The following GREB1 variants were observed in gnomAD, a reference collection of about 807,000 sequenced individuals.
GREB1 encodes the protein growth regulating estrogen receptor binding 1.
In GREB1, 106 loss-of-function variants were observed where a neutral mutation model predicts 200.7. That is an observed-to-expected ratio of 0.53 (90% confidence interval 0.45 to 0.62). The LOEUF is 0.62. Among genes scored for constraint, GREB1 ranks in the 20% least tolerant of loss-of-function variants. The pLI is 0.00. For missense variants in GREB1, 2,243 were observed against 2,556.8 expected (o/e 0.88, Z 2.65); for synonymous variants, 1,132 against 1,092.4 (o/e 1.04, Z -0.72).
intron 11 of GREB1, 112 bp downstream of exon 11, chr2:11,593,238 G>T: frequency 1.4e-6 from 1 of 694,526 alleles, no homozygotes. Context: ...TGCAGCAGCA[G>T]TTAGCACCTG....
intron 1 of GREB1, among the ~76,000 whole-genome samples, chr2:11,523,391 A>G (rs894450428): frequency 6.6e-6 from 1 of 152,188 alleles, no homozygotes; most frequent in Admixed American, 6.5e-5. Flanking sequence ...TAAAAGTTAA[A>G]AAAAGAAAAA....
intron 1 of GREB1, among the ~76,000 whole-genome samples, chr2:11,520,663 G>A (rs1484412282): frequency 6.6e-6 from 1 of 152,052 alleles, no homozygotes; most frequent in Non-Finnish European, 1.5e-5. Flanking sequence ...GATTACAGAT[G>A]GCAAAGTATC....
In GREB1 at chr2:11,511,761, T is replaced by C. The variant is rs117266172; in HGVS notation, c.-159+29380T>C. On this transcript the variant is annotated intron_variant, in intron 1 of 2. Coordinates refer to the GREB1 transcript ENST00000628795. ...CTTTCATATAGCCCAAAGCAAACACTCAGCCTGTTTGCCCTGTATTTTAGA... is the reference window on the plus strand; with the variant it reads ...CTTTCATATAGCCCAAAGCAAACACCCAGCCTGTTTGCCCTGTATTTTAGA... 2.8e-3 allele frequency among the ~76,000 whole-genome samples: 433 copies of C among 152,266 alleles called. 10 individuals are homozygous for C. In the East Asian group the frequency reaches 0.05, roughly 18 times the overall value.
intron 1 of GREB1, among the ~76,000 whole-genome samples, chr2:11,508,189 G>A (rs1352941453): frequency 6.6e-6 from 1 of 152,162 alleles, no homozygotes; most frequent in Non-Finnish European, 1.5e-5. Context: ...TGTGGCCCCA[G>A]TCCCATGCCA....
At chr2:11,635,817 C>T (rs1402180512) in intron 30 of GREB1, among the ~76,000 whole-genome samples, 1 of 152,138 alleles carries the variant, frequency 6.6e-6, no homozygotes, top group Non-Finnish European at 1.5e-5. Context: ...TGGGGAGAGA[C>T]CTGGTATGAT....
At chr2:11,628,929 G>A (rs1684666809) in intron 25 of GREB1, among the ~76,000 whole-genome samples, 1 of 152,214 alleles carries the variant, frequency 6.6e-6, no homozygotes, top group African/African-American at 2.4e-5. Flanking sequence ...GGGTGCAGAG[G>A]CCGCGTGGCC....
chr2:11,588,555 T>C (rs1166727785), intron 9 of GREB1, 191 bp from the exon 10 acceptor site: 6 of 656,344 alleles, frequency 9.1e-6, no homozygotes, highest in South Asian at 1.8e-5. Context: ...AAAAGGTGAC[T>C]CCTCTCATCC....
Position 11,548,469 on chromosome 2 carries a change from C to T in GREB1, c.-161-7985C>T, listed in dbSNP as rs73915414. Reference sequence around the variant, plus strand: ...AAAACTTTGTTTGAATCAGCACTCACCATAGACTTACAGTGTGAGTAACTA... The same window carrying T: ...AAAACTTTGTTTGAATCAGCACTCATCATAGACTTACAGTGTGAGTAACTA... On this transcript the variant is annotated intron_variant, in intron 1 of 32. Coordinates refer to ENST00000381486, the MANE Select transcript of GREB1 (RefSeq NM_014668.4). This position sits in a 1 kb window ranked among gnomAD's most constrained non-coding sequence, Gnocchi z 5.1. Among the ~76,000 whole-genome samples the T allele has an allele frequency of 9.9e-3, 1,505 of 152,314 alleles. 21 individuals carry two copies. Among genetic ancestry groups the T allele is most frequent in the African/African-American group, 0.034 (1,412 of 41,554 alleles).
At chr2:11,535,481 A>G (rs769252207) in intron 1 of GREB1, among the ~76,000 whole-genome samples, 1 of 152,114 alleles carries the variant, frequency 6.6e-6, no homozygotes, top group African/African-American at 2.4e-5. Flanking sequence ...GTTAATTCTC[A>G]TACCATAATC....
At chr2:11,553,235 GGGCATGGT>G (rs772213679) in intron 1 of GREB1, among the ~76,000 whole-genome samples, 1 of 152,032 alleles carries the variant, frequency 6.6e-6, no homozygotes, top group Non-Finnish European at 1.5e-5. Flanking sequence ...TTTACTGGGC[GGGCATGGT>G]GGCTCATGCC....
intron 6 of GREB1, among the ~76,000 whole-genome samples, chr2:11,578,706 AC>A (rs1429644572): frequency 6.6e-6 from 1 of 152,052 alleles, no homozygotes; most frequent in Non-Finnish European, 1.5e-5. Context: ...CCCCACCCCA[AC>A]CCCCGCACAG....
At chr2:11,562,740 G>C in intron 3 of GREB1, 158 bp downstream of exon 3, 2 of 787,010 alleles carry the variant, frequency 2.5e-6, no homozygotes, top group East Asian at 3.3e-5. Flanking sequence ...TGGGCCCGCA[G>C]CAGGTGCTGG....
At chr2:11,533,066 T>C (rs1475273836), upstream of GREB1, among the ~76,000 whole-genome samples, 1 of 152,184 alleles carries the variant, frequency 6.6e-6, no homozygotes. Context: ...GAATGGCAAC[T>C]CCAAACTAAT....
chr2:11,532,846 TTTG>T (rs1212925373), upstream of GREB1, among the ~76,000 whole-genome samples: 1 of 152,206 alleles, frequency 6.6e-6, no homozygotes, highest in African/African-American at 2.4e-5. Flanking sequence ...AAAGATATCC[TTTG>T]TTGAGCACCT....
intron 1 of GREB1, among the ~76,000 whole-genome samples, chr2:11,503,413 C>T (rs183983339): frequency 6.6e-6 from 1 of 152,286 alleles, no homozygotes; most frequent in African/African-American, 2.4e-5. Context: ...ACTGTTTTCT[C>T]TTTCTCCCTC....
chr2:11,582,616 G>A (rs1032664671), intron 7 of GREB1, among the ~76,000 whole-genome samples: 34 of 152,324 alleles, frequency 2.2e-4, no homozygotes, highest in Non-Finnish European at 4.1e-4. Context: ...TGTGGCCATC[G>A]GGGCCTCGGC....
At chr2:11,521,199 C>G (rs1203900457) in intron 1 of GREB1, among the ~76,000 whole-genome samples, 1 of 152,088 alleles carries the variant, frequency 6.6e-6, no homozygotes, top group Non-Finnish European at 1.5e-5. Flanking sequence ...CCTTGACCTC[C>G]CTGGGCTCAG....
intron 1 of GREB1, among the ~76,000 whole-genome samples, chr2:11,555,989 C>T (rs563352371): frequency 5.0e-4 from 76 of 152,160 alleles, no homozygotes; most frequent in African/African-American, 1.7e-3. Context: ...CCTCGTTTTC[C>T]CACTCCTCTG....
rs370169872 is a variant in GREB1, at chr2:11,615,205, G to A, written c.3237G>A (p.Glu1079=). The change falls in exon 20 of 33, where the codon GAG becomes GAA. Residue 1079 remains glutamate (E), a synonymous_variant. Transcript: ENST00000381486. The part of the protein sequence containing the change: ...AYFVSNEVPL[E]KGARNEALES... ...TTGTGAGCAACGAGGTTCCCTTGGA[G>A]AAGGGGGCTAGGAACGAGGCCTTGG... The A allele has an allele frequency of 2.2e-5, 36 of 1,613,978 alleles. No homozygotes were observed. Among genetic ancestry groups the A allele is most frequent in the Non-Finnish European group, 2.7e-5 (32 of 1,179,968 alleles).
Sources: allele counts gnomAD v4.1 joint callset (sites outside exome capture counted in the v4.1 genomes callset), GRCh38; gene constraint gnomAD v4.1.1; non-coding constraint Gnocchi (gnomAD v3.1); transcripts MANE v1.5; gene names NCBI Gene and HGNC (gene_info 2026-07-23, HGNC 2026-07-21).